DLGAP2: variants seen among roughly 807,000 people sequenced by gnomAD.
DLGAP2 encodes disks large-associated protein 2.
A neutral mutation model predicts 100.3 loss-of-function variants in DLGAP2; 26 were observed. That is an observed-to-expected ratio of 0.26 (90% confidence interval 0.19 to 0.36). The LOEUF is 0.36. Among genes scored for constraint, DLGAP2 ranks in the 10% least tolerant of loss-of-function variants. DLGAP2 has a pLI of 1.00. For missense variants in DLGAP2, 1,858 were observed against 1,453.2 expected, an observed-to-expected ratio of 1.28 and a Z score of -4.53; for synonymous variants, 886 against 630.1, an observed-to-expected ratio of 1.41 and a Z score of -6.08.
chr8:1,146,520 C>T (rs1212401457), intron 2 of DLGAP2, among the ~76,000 whole-genome samples: 1 of 152,160 alleles, frequency 6.6e-6, no homozygotes, highest in Non-Finnish European at 1.5e-5. Context: ...GGAAGCGTTC[C>T]TGCGTGTATT....
Position 1,332,633 on chromosome 8 carries a change from G to C in DLGAP2, c.106+73750G>C, listed in dbSNP as rs552064068. Among the ~76,000 whole-genome samples, 13 of 152,272 alleles carry C rather than the reference G, an allele frequency of 8.5e-5. No homozygotes were observed. In the South Asian group the frequency reaches 2.7e-3, roughly 32 times the overall value. On this transcript the variant is annotated intron_variant, in intron 3 of 14. Transcript: ENST00000637795. The stretch of plus-strand genomic sequence containing the variant: ...CACACTCACCCCCTCCAGGTCACAC[G>C]TCTAAGTGACTGGCTGGCCTTTGGC...
chr8:1,281,360 C>CTG (rs1188763906), intron 3 of DLGAP2, among the ~76,000 whole-genome samples: 1 of 152,200 alleles, frequency 6.6e-6, no homozygotes, highest in Non-Finnish European at 1.5e-5. Context: ...GTGGCTTTCC[C>CTG]TGTCATCATG....
At chr8:1,170,468 A>C (rs1396998531) in intron 2 of DLGAP2, among the ~76,000 whole-genome samples, 3,195 of 151,676 alleles carry the variant, frequency 0.021, 131 homozygotes, top group African/African-American at 0.075. Flanking sequence ...GTACCAGTTC[A>C]TCCTTGAACC....
intron 2 of DLGAP2, among the ~76,000 whole-genome samples, chr8:961,624 A>C (rs1370283111): frequency 6.6e-6 from 1 of 152,230 alleles, no homozygotes; most frequent in African/African-American, 2.4e-5. Context: ...TTTATACACA[A>C]GTATTTCTGA....
At chr8:1,507,793 C>T (rs569030361) in intron 4 of DLGAP2, among the ~76,000 whole-genome samples, 86 of 150,994 alleles carry the variant, frequency 5.7e-4, no homozygotes, top group African/African-American at 2.1e-3. Flanking sequence ...CCCTCCTTCA[C>T]CCACCACCCT....
intron 2 of DLGAP2, among the ~76,000 whole-genome samples, chr8:1,156,244 C>T (rs1004595247): frequency 1.3e-5 from 2 of 152,138 alleles, no homozygotes; most frequent in African/African-American, 4.8e-5. Context: ...AACCCAGGAC[C>T]CGGGTAGGTC....
At chr8:1,336,586 A>G (rs999628008) in intron 3 of DLGAP2, among the ~76,000 whole-genome samples, 2 of 152,156 alleles carry the variant, frequency 1.3e-5, no homozygotes, top group Non-Finnish European at 2.9e-5. Context: ...ACTGGTTCAG[A>G]CTAGTCACAG....
chr8:777,346 T>G (rs1334984084), intron 1 of DLGAP2, among the ~76,000 whole-genome samples: 5 of 152,260 alleles, frequency 3.3e-5, no homozygotes, highest in Admixed American at 6.5e-5. Flanking sequence ...TTTAGTCCAT[T>G]TACATTTAAA....
chr8:1,211,735 C>T (rs560671609), intron 2 of DLGAP2, among the ~76,000 whole-genome samples: 12 of 152,246 alleles, frequency 7.9e-5, no homozygotes, highest in East Asian at 1.9e-4. Flanking sequence ...ATTAGCCAGG[C>T]GTGGTAGCCC....
Position 1,360,036 on chromosome 8 carries a change from G to A in DLGAP2, c.106+101153G>A, listed in dbSNP as rs966629321. On this transcript the variant is annotated intron_variant, in intron 3 of 14. Transcript: ENST00000637795. ...GAATCCAAAGAAGAACAGGACCATCGCGAGCCACTTTCCGCCTCTTCATCC... is the reference window on the plus strand; with the variant it reads ...GAATCCAAAGAAGAACAGGACCATCACGAGCCACTTTCCGCCTCTTCATCC... 4.5e-4 allele frequency among the ~76,000 whole-genome samples: 69 copies of A among 152,206 alleles called. No individual in the cohort carries two copies. In the East Asian group the frequency reaches 0.011, roughly 25 times the overall value.
chr8:1,655,697 G>A (rs538084169), intron 8 of DLGAP2, among the ~76,000 whole-genome samples: 1 of 152,306 alleles, frequency 6.6e-6, no homozygotes, highest in East Asian at 1.9e-4. Context: ...TCATTCACAC[G>A]AGCTTCTTTC....
At chr8:1,637,953 G>T (rs894059003) in intron 8 of DLGAP2, among the ~76,000 whole-genome samples, 4 of 152,198 alleles carry the variant, frequency 2.6e-5, no homozygotes, top group African/African-American at 9.7e-5. Flanking sequence ...AGAAACCCAG[G>T]GAGAGGGAGG....
chr8:1,082,290 A>C (rs1434117420), intron 2 of DLGAP2, among the ~76,000 whole-genome samples: 1 of 152,140 alleles, frequency 6.6e-6, no homozygotes, highest in Non-Finnish European at 1.5e-5. Flanking sequence ...AAACAGGAAA[A>C]ATCTTTTACA....
At chr8:1,269,685 G>A (rs1442801469) in intron 3 of DLGAP2, among the ~76,000 whole-genome samples, 1 of 152,058 alleles carries the variant, frequency 6.6e-6, no homozygotes, top group Non-Finnish European at 1.5e-5. Context: ...CCCCAGAATA[G>A]AATGACTGTG....
chr8:836,239 C>A (rs535371567), intron 1 of DLGAP2, among the ~76,000 whole-genome samples: 1 of 152,196 alleles, frequency 6.6e-6, no homozygotes, highest in Non-Finnish European at 1.5e-5. Context: ...GCTTCCAGTG[C>A]CCCGCAAGGC....
intron 3 of DLGAP2, among the ~76,000 whole-genome samples, chr8:1,327,023 T>G: frequency 6.6e-6 from 1 of 151,072 alleles, no homozygotes; most frequent in East Asian, 1.9e-4. Flanking sequence ...AGGCAGTGAT[T>G]CTGAAGCAAA....
intron 3 of DLGAP2, among the ~76,000 whole-genome samples, chr8:1,432,360 G>A (rs1372729035): frequency 6.6e-6 from 1 of 152,128 alleles, no homozygotes; most frequent in African/African-American, 2.4e-5. Context: ...AAAAATAATG[G>A]TAGAGGGGAT....
At chr8:1,439,322 C>T (rs1233041163) in intron 3 of DLGAP2, among the ~76,000 whole-genome samples, 2 of 152,312 alleles carry the variant, frequency 1.3e-5, no homozygotes, top group East Asian at 1.9e-4. Context: ...TAGGAGGAAG[C>T]TTCGCGCTGT....
intron 2 of DLGAP2, among the ~76,000 whole-genome samples, chr8:1,157,663 A>G (rs1796816866): frequency 6.6e-6 from 1 of 152,184 alleles, no homozygotes; most frequent in African/African-American, 2.4e-5. Flanking sequence ...TAGGAAGATA[A>G]TTCTAAAACT....
Sources: gnomAD v4.1 joint callset for allele counts (sites outside exome capture counted in the v4.1 genomes callset) on GRCh38, gnomAD v4.1.1 for gene constraint, MANE v1.5 for transcripts, NCBI Gene and HGNC (gene_info 2026-07-23, HGNC 2026-07-21) for gene names.